HMCN1: variants seen among roughly 807,000 people sequenced by gnomAD.
The protein encoded by HMCN1 is hemicentin 1, also known as hemicentin-1.
A neutral mutation model predicts 625.9 loss-of-function variants in HMCN1; 321 were observed. The ratio of observed to expected loss-of-function variants is 0.51; its 90% CI spans 0.47 to 0.56. HMCN1 has a LOEUF of 0.56. HMCN1 is among the 20% of genes least tolerant of loss of function. The pLI, the probability that HMCN1 is intolerant of heterozygous loss-of-function variation, is 0.00. For synonymous variants in HMCN1, 2,425 were observed against 2,417.6 expected (o/e 1.00, Z -0.09); for missense variants, 6,588 against 6,887.3 (o/e 0.96, Z 1.54).
At chr1:186,166,751 G>C (rs2102622607) in intron 99 of HMCN1, 57 bp from the exon 100 acceptor site, 2 of 1,613,144 alleles carry the variant, frequency 1.2e-6, no homozygotes, top group East Asian at 4.5e-5. Flanking sequence ...TTCACCGCAG[G>C]TTCTTGGGCT....
chr1:186,143,622 C>T (rs1650107757), intron 89 of HMCN1, among the ~76,000 whole-genome samples: 1 of 152,126 alleles, frequency 6.6e-6, no homozygotes, highest in African/African-American at 2.4e-5. Context: ...AAAAGTTTTC[C>T]AAAGAATTAC....
At chr1:186,172,227 G>A in intron 102 of HMCN1, 96 bp downstream of exon 102, 1 of 1,517,148 alleles carries the variant, frequency 6.6e-7, no homozygotes, top group East Asian at 2.3e-5. Flanking sequence ...GTAAATTTAA[G>A]CTAACAAGGA....
intron 4 of HMCN1, among the ~76,000 whole-genome samples, chr1:185,888,744 A>T (rs1289535059): frequency 6.8e-6 from 1 of 146,448 alleles, no homozygotes; most frequent in East Asian, 1.9e-4. Context: ...AGGTAGCGTG[A>T]TGCCTCCAGC....
At chr1:185,919,278 A>C (rs60906298) in intron 6 of HMCN1, among the ~76,000 whole-genome samples, 60 of 152,032 alleles carry the variant, frequency 3.9e-4, no homozygotes, top group African/African-American at 1.4e-3. Flanking sequence ...TTCATAACTC[A>C]TGAGACTCCA....
chr1:186,134,602 A>T (rs1649481106), intron 86 of HMCN1, among the ~76,000 whole-genome samples: 1 of 152,156 alleles, frequency 6.6e-6, no homozygotes, highest in Admixed American at 6.6e-5. Flanking sequence ...CACATGAAGG[A>T]ATTACTTTTT....
chr1:185,991,740 A>T (rs1267055978), intron 22 of HMCN1, among the ~76,000 whole-genome samples: 2 of 151,726 alleles, frequency 1.3e-5, no homozygotes, highest in South Asian at 4.2e-4. Context: ...TTTTCAGTGA[A>T]TAGCTTTGTA....
intron 97 of HMCN1, among the ~76,000 whole-genome samples, chr1:186,156,780 A>G (rs1651053174): frequency 6.6e-6 from 1 of 152,212 alleles, no homozygotes; most frequent in Non-Finnish European, 1.5e-5. Context: ...CAGCTATATA[A>G]TAATAACTTA....
chr1:185,941,212 T>A (rs1166848569), intron 11 of HMCN1, among the ~76,000 whole-genome samples: 1 of 152,198 alleles, frequency 6.6e-6, no homozygotes, highest in Admixed American at 6.5e-5. Flanking sequence ...TTCATGGAAT[T>A]TACTTTAAGA....
At position 186,087,465 on chromosome 1, in the gene HMCN1, T is replaced by C. The variant is rs1571333103; in HGVS notation, c.9183T>C (p.His3061=). Residue 3061 remains histidine, a synonymous_variant, in exon 60 of 107, where the codon CAT becomes CAC. Coordinates refer to ENST00000271588, the MANE Select transcript of HMCN1 (RefSeq NM_031935.3). The part of the protein sequence containing the change: ...TVYVPPSIKD[H]DSESLSVVNV... ...CAGTGCCCCCAAGCATTAAAGACCA[T>C]GACAGTGAATCTCTTTCTGTAGTTA... The C allele has an allele frequency of 1.2e-6, 2 of 1,613,238 alleles. No individual in the cohort carries two copies. Among genetic ancestry groups the C allele is most frequent in the Non-Finnish European group, 1.7e-6 (2 of 1,179,454 alleles).
chr1:186,080,248 T>C (rs749194029), intron 55 of HMCN1, among the ~76,000 whole-genome samples: 5 of 152,216 alleles, frequency 3.3e-5, no homozygotes, highest in Non-Finnish European at 5.9e-5. Context: ...TTACAAACTT[T>C]CAGTTTAGTT....
Position 185,893,283 on chromosome 1 carries a change from G to A in HMCN1, c.622-16054G>A, listed in dbSNP as rs148490928. ...AATCACCCATCTTCTGCGTTGCTCA[G>A]GCTGGGAGCTGTAGACTGGAGCTGT... is the stretch of plus-strand genomic sequence containing the variant. On this transcript the variant is annotated intron_variant, in intron 4 of 106. Coordinates refer to ENST00000271588, the MANE Select transcript of HMCN1 (RefSeq NM_031935.3). Among the ~76,000 whole-genome samples, 1,403 of 152,306 alleles carry A rather than the reference G, an allele frequency of 9.2e-3. 30 individuals are homozygous for A. The highest frequency in any genetic ancestry group is 0.033 in the African/African-American group (1,354 of 41,572).
At chr1:186,087,791 A>AT in intron 60 of HMCN1, 141 bp from the exon 61 acceptor site, 1 of 1,141,768 alleles carries the variant, frequency 8.8e-7, no homozygotes, top group Non-Finnish European at 1.3e-6. Context: ...CTATTTTTAT[A>AT]AAAAATAGCA....
chr1:186,039,689 G>A (rs762936280), intron 38 of HMCN1, 39 bp from the exon 39 acceptor site: 1 of 1,601,312 alleles, frequency 6.2e-7, no homozygotes, highest in Non-Finnish European at 8.6e-7. Context: ...CACAAATCCT[G>A]TGATATTAAC....
chr1:185,913,607 A>G (rs1318491387), intron 6 of HMCN1, among the ~76,000 whole-genome samples: 1 of 152,154 alleles, frequency 6.6e-6, no homozygotes, highest in East Asian at 1.9e-4. Flanking sequence ...AAATACGTGC[A>G]CGTGAGGCCA....
chr1:185,985,817 T>C (rs1235320831), intron 19 of HMCN1, among the ~76,000 whole-genome samples: 1 of 152,172 alleles, frequency 6.6e-6, no homozygotes, highest in Non-Finnish European at 1.5e-5. Flanking sequence ...AGAATACTCA[T>C]TAAAGGCTGT....
chr1:185,776,417 A>G (rs1386625269), intron 1 of HMCN1, among the ~76,000 whole-genome samples: 1 of 150,364 alleles, frequency 6.7e-6, no homozygotes, highest in East Asian at 1.9e-4. Context: ...GATTAACTTT[A>G]AGTATTAACA....
At chr1:185,828,139 G>A (rs116373189) in intron 1 of HMCN1, among the ~76,000 whole-genome samples, 2,622 of 152,216 alleles carry the variant, frequency 0.017, 81 homozygotes, top group African/African-American at 0.058. Context: ...CTAACCATGA[G>A]CATTGGATTT....
In HMCN1 at chr1:185,734,768, A is replaced by G. The variant is rs182665007; in HGVS notation, c.-12A>G. The stretch of plus-strand genomic sequence containing the variant: ...GGCGCTGAGGGGGAAAAAGAGGGGG[A>G]AAAAAAAGAAAATGATTTCCTGGGA... On this transcript the variant is annotated 5_prime_UTR_variant, in exon 1 of 107. Coordinates refer to ENST00000271588, the MANE Select transcript of HMCN1 (RefSeq NM_031935.3). 29 of 1,611,918 alleles carry G rather than the reference A, an allele frequency of 1.8e-5. No individual in the cohort carries two copies. Among genetic ancestry groups the G allele is most frequent in the South Asian group, 9.9e-5 (9 of 91,014 alleles).
chr1:186,080,088 A>G (rs983777298), intron 55 of HMCN1, among the ~76,000 whole-genome samples: 1 of 152,166 alleles, frequency 6.6e-6, no homozygotes, highest in African/African-American at 2.4e-5. Context: ...CTAAAACTCA[A>G]GTTTATTATT....
Sources: gnomAD v4.1 joint callset for allele counts (sites outside exome capture counted in the v4.1 genomes callset) on GRCh38, gnomAD v4.1.1 for gene constraint, MANE v1.5 for transcripts, NCBI Gene and HGNC (gene_info 2026-07-23, HGNC 2026-07-21) for gene names.